B3GALT5: variants seen among roughly 807,000 people sequenced by gnomAD.
The protein encoded by B3GALT5 is beta-1,3-galactosyltransferase 5.
For synonymous variants in B3GALT5, 156 were observed against 158.6 expected (o/e 0.98, Z 0.12); for missense variants, 328 against 396.6 (o/e 0.83, Z 1.47).
intron 2 of B3GALT5, among the ~76,000 whole-genome samples, chr21:39,650,645 G>A (rs949996119): frequency 6.6e-6 from 1 of 152,138 alleles, no homozygotes; most frequent in Admixed American, 6.5e-5. Flanking sequence ...CGCCTGGCTC[G>A]TTGGTGACCA....
chr21:39,623,997 G>C (rs552225669), intron 1 of B3GALT5, among the ~76,000 whole-genome samples: 45 of 152,254 alleles, frequency 3.0e-4, no homozygotes, highest in African/African-American at 9.9e-4. Context: ...ACTGGAGACA[G>C]TTATCTCTGG....
At position 39,667,839 on chromosome 21, in the gene B3GALT5, C is replaced by T. The variant is rs565451585; in HGVS notation, c.*6347C>T. 3 of 152,364 alleles carry T rather than the reference C, an allele frequency of 2.0e-5. No homozygotes were observed. In the South Asian group the frequency reaches 6.2e-4, roughly 32 times the overall value. The allele number at this position is 152,364 out of a possible 1,614,324, so 9.4% of individuals were successfully genotyped here. A position where few individuals can be genotyped will look rare whatever the true frequency, so the allele number is the denominator to read the frequency against. ...AGGCCCCATTCCATTTACATCTCCGCTCAAGCCTCCGCCTCCGGGTTCCAG... is the reference window on the plus strand; with the variant it reads ...AGGCCCCATTCCATTTACATCTCCGTTCAAGCCTCCGCCTCCGGGTTCCAG... On this transcript the variant is annotated 3_prime_UTR_variant, in exon 4 of 4. Coordinates refer to ENST00000684187, the MANE Select transcript of B3GALT5 (RefSeq NM_001356336.2).
In B3GALT5 at chr21:39,636,116, C is replaced by T. The variant is rs542833613; in HGVS notation, c.-391-10276C>T. On this transcript the variant is annotated intron_variant, in intron 1 of 3. Coordinates refer to ENST00000684187, the MANE Select transcript of B3GALT5 (RefSeq NM_001356336.2). ...GGAATGTTTACTATCGGGCAATTTGCTCATTATCTCTAAGCCTCAGTTTCT... is the reference window on the plus strand; with the variant it reads ...GGAATGTTTACTATCGGGCAATTTGTTCATTATCTCTAAGCCTCAGTTTCT... 2.6e-5 allele frequency among the ~76,000 whole-genome samples: 4 copies of T among 152,290 alleles called. No individual in the cohort carries two copies. The East Asian group carries it at 7.7e-4, about 29-fold the overall frequency.
chr21:39,636,922 G>A (rs1174147086), intron 1 of B3GALT5, among the ~76,000 whole-genome samples: 1 of 152,110 alleles, frequency 6.6e-6, no homozygotes, highest in Non-Finnish European at 1.5e-5. Context: ...CCTTTACAGC[G>A]GCACCATGTT....
intron 2 of B3GALT5, among the ~76,000 whole-genome samples, chr21:39,656,847 T>A (rs2146213859): frequency 6.6e-6 from 1 of 152,352 alleles, no homozygotes; most frequent in African/African-American, 2.4e-5. Flanking sequence ...GCTCTAGCTT[T>A]GTGTGTTACT....
At chr21:39,638,821 T>C (rs1371589358) in intron 1 of B3GALT5, among the ~76,000 whole-genome samples, 2 of 152,104 alleles carry the variant, frequency 1.3e-5, no homozygotes, top group African/African-American at 2.4e-5. Context: ...CAGCGGGGCA[T>C]GGAAGAAGCG....
intron 1 of B3GALT5, among the ~76,000 whole-genome samples, chr21:39,616,813 A>C (rs2079109662): frequency 6.6e-6 from 1 of 152,186 alleles, no homozygotes; most frequent in South Asian, 2.1e-4. Context: ...ATTCATTTTG[A>C]TTAAATTTAT....
chr21:39,672,770 A>G lies in B3GALT5; in HGVS notation c.*11278A>G, dbSNP rs1424792398. On this transcript the variant is annotated 3_prime_UTR_variant, in exon 4 of 4. Coordinates refer to ENST00000684187, the MANE Select transcript of B3GALT5 (RefSeq NM_001356336.2). ...ATTTATTTTGATTTTATATGTGTAG[A>G]AAAATGTACTGAACAATGTTGACAT... is the stretch of plus-strand genomic sequence containing the variant. 4 of 152,194 alleles carry G rather than the reference A, an allele frequency of 2.6e-5. No homozygotes were observed. The highest frequency in any genetic ancestry group is 9.7e-5 in the African/African-American group (4 of 41,444). 9.4% of individuals were successfully genotyped at this position (152,194 alleles called of 1,614,324 possible).
Position 39,671,443 on chromosome 21 carries a change from A to C in B3GALT5, c.*9951A>C, listed in dbSNP as rs2079627551. ...GTGCCTGCTGGAGAGTAGATACTTG[A>C]TAATTATCTATTGGGTTCTCAGGGG... is the stretch of plus-strand genomic sequence containing the variant. On this transcript the variant is annotated 3_prime_UTR_variant, in exon 4 of 4. Coordinates refer to ENST00000684187, the MANE Select transcript of B3GALT5 (RefSeq NM_001356336.2). 6.6e-6 allele frequency: 1 copy of C among 151,936 alleles called. No homozygotes were observed. Among genetic ancestry groups the C allele is most frequent in the Admixed American group, 6.6e-5 (1 of 15,250 alleles). 9.4% of individuals were successfully genotyped at this position (151,936 alleles called of 1,614,324 possible). A position where few individuals can be genotyped will look rare whatever the true frequency, so the allele number is the denominator to read the frequency against.
intron 2 of B3GALT5, among the ~76,000 whole-genome samples, chr21:39,648,075 T>G (rs2079358432): frequency 6.6e-6 from 1 of 152,204 alleles, no homozygotes; most frequent in African/African-American, 2.4e-5. Flanking sequence ...TAGCTTATTG[T>G]GTAATCAAAT....
At chr21:39,653,578 C>T (rs1012336670) in intron 2 of B3GALT5, among the ~76,000 whole-genome samples, 3 of 152,236 alleles carry the variant, frequency 2.0e-5, no homozygotes, top group African/African-American at 7.2e-5. Flanking sequence ...CGGGTACACC[C>T]GCTAGGTGTT....
At chr21:39,622,768 T>C (rs1161948402) in intron 1 of B3GALT5, among the ~76,000 whole-genome samples, 6 of 152,058 alleles carry the variant, frequency 3.9e-5, no homozygotes, top group Non-Finnish European at 7.4e-5. Context: ...TTCTTTTTCA[T>C]ACCTTTTTTC....
At chr21:39,623,386 A>G (rs954936646) in intron 1 of B3GALT5, among the ~76,000 whole-genome samples, 1 of 151,774 alleles carries the variant, frequency 6.6e-6, no homozygotes, top group Non-Finnish European at 1.5e-5. Flanking sequence ...GTTAAATTTA[A>G]TGATATATTT....
intron 1 of B3GALT5, among the ~76,000 whole-genome samples, chr21:39,623,309 G>T (rs1016325113): frequency 7.2e-6 from 1 of 139,338 alleles, no homozygotes; most frequent in African/African-American, 2.7e-5. Context: ...CTCTTTTCTT[G>T]GGTAATTTCC....
intron 2 of B3GALT5, among the ~76,000 whole-genome samples, chr21:39,658,128 T>C (rs73217208): frequency 0.023 from 3,452 of 152,304 alleles, 56 homozygotes; most frequent in Non-Finnish European, 0.038. Context: ...CAGCCAAAGA[T>C]GCAGATGTCT....
At chr21:39,649,079 T>C (rs2079369576) in intron 2 of B3GALT5, among the ~76,000 whole-genome samples, 1 of 152,226 alleles carries the variant, frequency 6.6e-6, no homozygotes, top group Non-Finnish European at 1.5e-5. Context: ...CAGCTCTAAA[T>C]TCATCAGTCC....
chr21:39,647,493 C>T (rs955507194), intron 2 of B3GALT5, among the ~76,000 whole-genome samples: 2 of 152,106 alleles, frequency 1.3e-5, no homozygotes, highest in Admixed American at 1.3e-4. Context: ...TGTGTGCCAC[C>T]ATGCCCGGGG....
intron 1 of B3GALT5, among the ~76,000 whole-genome samples, chr21:39,638,626 C>G (rs1047738736): frequency 5.9e-5 from 9 of 152,312 alleles, no homozygotes; most frequent in African/African-American, 2.2e-4. Context: ...AGAAAGCCCT[C>G]TGTCCTTGAG....
At chr21:39,620,482 T>C (rs1027004474) in intron 1 of B3GALT5, among the ~76,000 whole-genome samples, 1 of 152,204 alleles carries the variant, frequency 6.6e-6, no homozygotes, top group African/African-American at 2.4e-5. Context: ...TGTAGATAAT[T>C]GTATTAGATA....
Sources: allele counts gnomAD v4.1 joint callset (sites outside exome capture counted in the v4.1 genomes callset), GRCh38; gene constraint gnomAD v4.1.1; transcripts MANE v1.5; gene names NCBI Gene and HGNC (gene_info 2026-07-23, HGNC 2026-07-21).